CACNB4: variants seen among roughly 807,000 people sequenced by gnomAD.
The protein encoded by CACNB4 is voltage-dependent L-type calcium channel subunit beta-4.
Under a neutral mutation model 71.2 loss-of-function variants are expected in CACNB4, and 32 were observed. The ratio of observed to expected loss-of-function variants is 0.45; its 90% CI spans 0.34 to 0.60. CACNB4 has a LOEUF of 0.60. Ranked by LOEUF, CACNB4 falls within the 20% of genes least tolerant of loss-of-function variation. The pLI, the probability that CACNB4 is intolerant of heterozygous loss-of-function variation, is 0.01. For synonymous variants in CACNB4, 231 were observed against 236.9 expected (o/e 0.97, Z 0.23); for missense variants, 464 against 647.9 (o/e 0.72, Z 3.08).
At chr2:152,005,910 T>C (rs1682696302) in intron 2 of CACNB4, among the ~76,000 whole-genome samples, 2 of 152,186 alleles carry the variant, frequency 1.3e-5, no homozygotes, top group Admixed American at 1.3e-4. Flanking sequence ...AAGGAGATAA[T>C]ATATGCAAAA....
At chr2:151,924,989 T>C (rs2099859874) in intron 2 of CACNB4, among the ~76,000 whole-genome samples, 1 of 152,230 alleles carries the variant, frequency 6.6e-6, no homozygotes, top group South Asian at 2.1e-4. Flanking sequence ...ATCACCTCTA[T>C]TATGATATGG....
intron 2 of CACNB4, among the ~76,000 whole-genome samples, chr2:151,920,979 A>C (rs1350417803): frequency 1.3e-5 from 2 of 151,974 alleles, no homozygotes; most frequent in Non-Finnish European, 2.9e-5. Flanking sequence ...TCTACTAAAA[A>C]TACAAAAAGA....
intron 2 of CACNB4, among the ~76,000 whole-genome samples, chr2:152,040,671 C>T (rs1242502730): frequency 6.6e-6 from 1 of 152,152 alleles, no homozygotes; most frequent in Non-Finnish European, 1.5e-5. Flanking sequence ...GAACTCCTGA[C>T]CTCAGGTGAT....
At chr2:152,018,997 T>C (rs1683506655) in intron 2 of CACNB4, among the ~76,000 whole-genome samples, 1 of 151,864 alleles carries the variant, frequency 6.6e-6, no homozygotes, top group Admixed American at 6.6e-5. Context: ...GGGGAAAGGT[T>C]TGGTTAGTGA....
intron 2 of CACNB4, among the ~76,000 whole-genome samples, chr2:151,946,305 G>A (rs1279567657): frequency 6.6e-6 from 1 of 151,166 alleles, no homozygotes; most frequent in Non-Finnish European, 1.5e-5. Flanking sequence ...CTCCAGCCCG[G>A]GCAACAAGAG....
Position 152,008,325 on chromosome 2 carries a change from C to T in CACNB4, c.147+90005G>A, listed in dbSNP as rs1254740343. On this transcript the variant is annotated intron_variant, in intron 2 of 13. Coordinates refer to ENST00000539935, the MANE Select transcript of CACNB4 (RefSeq NM_000726.5). ...TTCTTGAGATGAAGTCTCACTCTGT[C>T]GCCCAGGCTGGAGTGCAGTGGTGCA... Among the ~76,000 whole-genome samples the T allele has an allele frequency of 3.9e-5, 6 of 152,036 alleles. No individual in the cohort carries two copies. The South Asian group carries it at 8.3e-4, about 21-fold the overall frequency.
At chr2:151,911,335 T>C (rs1343489057) in intron 2 of CACNB4, among the ~76,000 whole-genome samples, 2 of 152,184 alleles carry the variant, frequency 1.3e-5, no homozygotes, top group Non-Finnish European at 2.9e-5. Flanking sequence ...CTTCAAATAC[T>C]ATGTTGGATA....
intron 4 of CACNB4, among the ~76,000 whole-genome samples, chr2:151,877,244 T>A (rs1056289894): frequency 1.3e-5 from 2 of 152,030 alleles, no homozygotes; most frequent in Non-Finnish European, 2.9e-5. Flanking sequence ...GTGGTCTCTG[T>A]TACAATTAGT....
chr2:152,098,898 G>T lies in CACNB4; in HGVS notation c.63+51C>A. 7.7e-7 allele frequency: 1 copy of T among 1,295,524 alleles called. No homozygotes were observed. The highest frequency in any genetic ancestry group is 1.0e-6 in the Non-Finnish European group (1 of 953,668). 80.3% of individuals were successfully genotyped at this position (1,295,524 alleles called of 1,614,324 possible). On this transcript the variant is annotated intron_variant, in intron 1 of 13. Coordinates refer to ENST00000539935, the MANE Select transcript of CACNB4 (RefSeq NM_000726.5). The surrounding 1 kb of genome is among the most constrained non-coding windows in gnomAD (Gnocchi z 5.3). Reference sequence around the variant, plus strand: ...GGGGCGCGCTAGGGCGGCGGAGGAGGTGTGAGGAAGGAAGAGGAGGAAGAG... The same window carrying T: ...GGGGCGCGCTAGGGCGGCGGAGGAGTTGTGAGGAAGGAAGAGGAGGAAGAG...
At chr2:151,936,143 C>G (rs1178149122) in intron 2 of CACNB4, 1 of 152,214 alleles carries the variant, frequency 6.6e-6, no homozygotes, top group Non-Finnish European at 1.5e-5. Context: ...ATGGATTTTT[C>G]TGTGCTGTTT....
At chr2:151,961,199 G>A (rs1274873318) in intron 2 of CACNB4, among the ~76,000 whole-genome samples, 1 of 152,148 alleles carries the variant, frequency 6.6e-6, no homozygotes, top group Non-Finnish European at 1.5e-5. Context: ...GAATCACAAC[G>A]TGATGACATT....
chr2:151,914,499 T>C (rs1399221773), intron 2 of CACNB4, among the ~76,000 whole-genome samples: 2 of 152,220 alleles, frequency 1.3e-5, no homozygotes, highest in African/African-American at 4.8e-5. Flanking sequence ...CTCTGTCCAG[T>C]TCTGTGCCCT....
intron 2 of CACNB4, among the ~76,000 whole-genome samples, chr2:152,085,813 TAAAA>T (rs765391237): frequency 9.7e-5 from 11 of 113,900 alleles, no homozygotes; most frequent in African/African-American, 3.0e-4. Flanking sequence ...CTGCAGCCAT[TAAAA>T]AAAAAAAAAA....
rs542737376 is a variant in CACNB4, at chr2:151,952,688, G to A, written c.148-69318C>T. ...GGCTGCCCCAGAAGGAAACAGGAGC[G>A]AATGCACCAGAAGGCAAATCAACGC... On this transcript the variant is annotated intron_variant, in intron 2 of 13. Transcript: ENST00000539935. Among the ~76,000 whole-genome samples the A allele has an allele frequency of 1.2e-4, 19 of 152,288 alleles. 1 individual carries two copies. In the South Asian group the frequency reaches 3.9e-3, roughly 32 times the overall value.
chr2:151,875,381 C>T (rs1472778200), intron 5 of CACNB4, among the ~76,000 whole-genome samples: 2 of 150,598 alleles, frequency 1.3e-5, no homozygotes, highest in East Asian at 2.0e-4. Flanking sequence ...GAAAAGTCTC[C>T]CATGTCTACT....
chr2:152,008,404 A>C (rs552848116), intron 2 of CACNB4, among the ~76,000 whole-genome samples: 55 of 152,210 alleles, frequency 3.6e-4, no homozygotes, highest in African/African-American at 1.2e-3. Context: ...CTCTTGCCTC[A>C]GCCTCCCAAG....
At chr2:152,015,083 G>C (rs574499175) in intron 2 of CACNB4, among the ~76,000 whole-genome samples, 36 of 152,156 alleles carry the variant, frequency 2.4e-4, no homozygotes, top group Admixed American at 3.9e-4. Context: ...ATTTCCTCCA[G>C]CTCTAAAATT....
rs376710983 is a variant in CACNB4 at position 152,053,649 on chromosome 2, G to C, written c.147+44681C>G. 9.9e-5 allele frequency among the ~76,000 whole-genome samples: 15 copies of C among 151,572 alleles called. No individual in the cohort carries two copies. The East Asian group carries it at 2.3e-3, about 24-fold the overall frequency. Reference sequence around the variant, plus strand: ...AGAGATCCTCCCACCTGAACCTCCAGACTAGGTGGCACTACAGGCACATGC... The same window carrying C: ...AGAGATCCTCCCACCTGAACCTCCACACTAGGTGGCACTACAGGCACATGC... On this transcript the variant is annotated intron_variant, in intron 2 of 13. Coordinates refer to ENST00000539935, the MANE Select transcript of CACNB4 (RefSeq NM_000726.5).
At position 151,836,333 on chromosome 2, in the gene CACNB4, A is replaced by G. The variant is rs2099834878; in HGVS notation, c.*2786T>C. 6.6e-6 allele frequency: 1 copy of G among 151,830 alleles called. No individual in the cohort carries two copies. The highest frequency in any genetic ancestry group is 2.4e-5 in the African/African-American group (1 of 41,410). The allele number at this position is 151,830 out of a possible 1,614,324, so 9.4% of individuals were successfully genotyped here. A position where few individuals can be genotyped will look rare whatever the true frequency, so the allele number is the denominator to read the frequency against. ...TATCTTTAAATGAAATTAATTAAAA[A>G]CAAAGTATGGAGTATGTATTTTTCA... On this transcript the variant is annotated 3_prime_UTR_variant, in exon 14 of 14. Transcript: ENST00000539935.
Sources: gnomAD v4.1 joint callset for allele counts (sites outside exome capture counted in the v4.1 genomes callset) on GRCh38, gnomAD v4.1.1 for gene constraint, Gnocchi (gnomAD v3.1) non-coding constraint, MANE v1.5 for transcripts, NCBI Gene and HGNC (gene_info 2026-07-23, HGNC 2026-07-21) for gene names.